NADK2: variants seen among roughly 807,000 people sequenced by gnomAD.
The protein encoded by NADK2 is NAD kinase 2, mitochondrial.
NADK2 carries 35 observed loss-of-function variants against 62.1 expected under a neutral mutation model. The ratio of observed to expected loss-of-function variants is 0.56; its 90% CI spans 0.43 to 0.75. The LOEUF is 0.75. Among genes scored for constraint, NADK2 ranks in the 30% least tolerant of loss-of-function variants. The probability of loss-of-function intolerance (pLI) is 0.00; values close to 1 mark genes in which losing one functional copy is unlikely to be tolerated. For synonymous variants in NADK2, 205 were observed against 207.9 expected, an observed-to-expected ratio of 0.99 and a Z score of 0.12; for missense variants, 439 against 561.3, an observed-to-expected ratio of 0.78 and a Z score of 2.20.
intron 1 of NADK2, among the ~76,000 whole-genome samples, chr5:36,239,083 T>C (rs967745144): frequency 1.3e-5 from 2 of 152,108 alleles, no homozygotes; most frequent in African/African-American, 2.4e-5. Flanking sequence ...AGAGAATGCT[T>C]TGACAAAAAA....
intron 10 of NADK2, among the ~76,000 whole-genome samples, 153 bp from the exon 11 acceptor site, chr5:36,197,817 AAC>A (rs1746289893): frequency 8.2e-6 from 1 of 121,814 alleles, no homozygotes; most frequent in East Asian, 1.9e-4. Flanking sequence ...ATTCCATTAA[AAC>A]ACAGTAACAA....
chr5:36,217,011 T>A (rs1747069309), intron 6 of NADK2, among the ~76,000 whole-genome samples: 1 of 151,968 alleles, frequency 6.6e-6, no homozygotes. Context: ...TAAGTCACCA[T>A]GAAAAACTCT....
chr5:36,198,048 CA>C (rs1746298392), intron 10 of NADK2, among the ~76,000 whole-genome samples: 2 of 152,042 alleles, frequency 1.3e-5, no homozygotes, highest in South Asian at 4.1e-4. Context: ...AATACCATGT[CA>C]AAGAGCTCAT....
chr5:36,200,388 T>C (rs1033709994), intron 9 of NADK2, 108 bp from the exon 10 acceptor site: 26 of 456,258 alleles, frequency 5.7e-5, no homozygotes, highest in African/African-American at 4.4e-4. Flanking sequence ...ATGTGTTATA[T>C]ATATATATGT....
intron 6 of NADK2, among the ~76,000 whole-genome samples, chr5:36,216,098 T>G (rs1274433804): frequency 6.6e-6 from 1 of 152,140 alleles, no homozygotes; most frequent in African/African-American, 2.4e-5. Flanking sequence ...TTGCCAGTAT[T>G]TGTTATTTTT....
At chr5:36,225,388 A>G (rs760497706) in intron 4 of NADK2, among the ~76,000 whole-genome samples, 154 bp downstream of exon 4, 2 of 152,218 alleles carry the variant, frequency 1.3e-5, no homozygotes, top group East Asian at 1.9e-4. Context: ...GAATGTGAAC[A>G]TGGTCAAGAA....
intron 7 of NADK2, among the ~76,000 whole-genome samples, chr5:36,208,325 G>A (rs1452739927): frequency 6.6e-6 from 1 of 151,928 alleles, no homozygotes; most frequent in African/African-American, 2.4e-5. Context: ...GCTTTGTTAT[G>A]TCTTCCTAGA....
In NADK2 at chr5:36,219,698, T is replaced by G. The variant is rs1473079082; in HGVS notation, c.561-19A>C. On this transcript the variant is annotated intron_variant, in intron 4 of 11. Coordinates refer to ENST00000381937, the MANE Select transcript of NADK2 (RefSeq NM_001085411.3). ...CTCAGACCTATATTTTAACAGGAAT[T>G]TTTTGGTGATATAAAGAGGAAAAGA... 1 of 1,602,090 alleles carries G rather than the reference T, an allele frequency of 6.2e-7. No individual in the cohort carries two copies. The highest frequency in any genetic ancestry group is 1.1e-5 in the South Asian group (1 of 89,654).
At chr5:36,210,799 T>G (rs758368098) in intron 7 of NADK2, among the ~76,000 whole-genome samples, 30 of 152,230 alleles carry the variant, frequency 2.0e-4, no homozygotes, top group Admixed American at 2.0e-4. Context: ...GAAATCTTAA[T>G]ATGAACTGCC....
intron 10 of NADK2, among the ~76,000 whole-genome samples, chr5:36,199,020 G>C (rs571218363): frequency 8.0e-5 from 12 of 150,856 alleles, no homozygotes; most frequent in African/African-American, 2.9e-4. Context: ...ATGGACACAG[G>C]AAGGGGAACA....
At chr5:36,227,903 G>A (rs1409037873) in intron 1 of NADK2, among the ~76,000 whole-genome samples, 1 of 149,584 alleles carries the variant, frequency 6.7e-6, no homozygotes, top group East Asian at 2.0e-4. Context: ...GGAGTGCAGT[G>A]GTGTGATCTC....
At chr5:36,203,408 G>A (rs1746517727) in intron 8 of NADK2, among the ~76,000 whole-genome samples, 1 of 152,052 alleles carries the variant, frequency 6.6e-6, no homozygotes, top group Admixed American at 6.6e-5. Flanking sequence ...AAGATGAATG[G>A]GAATTGCAAT....
intron 6 of NADK2, 127 bp from the exon 7 acceptor site, chr5:36,212,049 G>A: frequency 1.6e-6 from 1 of 628,752 alleles, no homozygotes; most frequent in Non-Finnish European, 2.7e-6. Flanking sequence ...CTTTAATACA[G>A]TTAACATTTA....
chr5:36,223,844 G>A (rs1389363855), intron 4 of NADK2, among the ~76,000 whole-genome samples: 1 of 152,020 alleles, frequency 6.6e-6, no homozygotes, highest in East Asian at 1.9e-4. Context: ...ACAGGGTAAA[G>A]GATTTTTAAA....
intron 6 of NADK2, among the ~76,000 whole-genome samples, chr5:36,214,339 C>G (rs1465146501): frequency 6.6e-6 from 1 of 152,098 alleles, no homozygotes; most frequent in African/African-American, 2.4e-5. Context: ...CGCCACCACG[C>G]CTGGCTAATT....
At chr5:36,221,102 T>C (rs1301126996) in intron 4 of NADK2, 1 of 152,234 alleles carries the variant, frequency 6.6e-6, no homozygotes, top group Non-Finnish European at 1.5e-5. Flanking sequence ...GGTACCTAAA[T>C]ACTAGGAAGC....
At chr5:36,197,452 T>C (rs2112053248) in intron 11 of NADK2, 89 bp downstream of exon 11, 1 of 1,545,484 alleles carries the variant, frequency 6.5e-7, no homozygotes, top group East Asian at 2.3e-5. Flanking sequence ...ATGAGCAAAT[T>C]TAATGAAATT....
chr5:36,241,246 C>T lies in NADK2; in HGVS notation c.300+253G>A. 2 of 601,572 alleles carry T rather than the reference C, an allele frequency of 3.3e-6. No individual in the cohort carries two copies. Among genetic ancestry groups the T allele is most frequent in the Non-Finnish European group, 4.7e-6 (2 of 421,318 alleles). 37.3% of individuals were successfully genotyped at this position (601,572 alleles called of 1,614,324 possible). ...TTCGCCCTCCCCGCGGCGCCCCTGC[C>T]TCCTAAGTCCCTGCATGAACCACTG... On this transcript the variant is annotated intron_variant, in intron 1 of 11. Transcript: ENST00000381937. The surrounding 1 kb of genome is among the most constrained non-coding windows in gnomAD (Gnocchi z 4.9).
chr5:36,217,652 C>T, intron 6 of NADK2, 96 bp downstream of exon 6: 2 of 1,394,036 alleles, frequency 1.4e-6, no homozygotes, highest in Non-Finnish European at 1.9e-6. Context: ...ATTAATGACA[C>T]TAAAAACAAG....
Sources: allele counts gnomAD v4.1 joint callset (sites outside exome capture counted in the v4.1 genomes callset), GRCh38; gene constraint gnomAD v4.1.1; non-coding constraint Gnocchi (gnomAD v3.1); transcripts MANE v1.5; gene names NCBI Gene and HGNC (gene_info 2026-07-23, HGNC 2026-07-21).